PLA2G6: variants seen among roughly 807,000 people sequenced by gnomAD.
PLA2G6 encodes 85/88 kDa calcium-independent phospholipase A2.
In PLA2G6, 62 loss-of-function variants were observed where a neutral mutation model predicts 83.8. That is an observed-to-expected ratio of 0.74 (90% CI 0.60 to 0.91). The LOEUF (loss-of-function observed/expected upper bound fraction) is 0.91. Ranked by LOEUF, PLA2G6 falls within the 40% of genes least tolerant of loss-of-function variation. The pLI, the probability that PLA2G6 is intolerant of heterozygous loss-of-function variation, is 0.00. For missense variants in PLA2G6, 944 were observed against 1,102.0 expected, an observed-to-expected ratio of 0.86 and a Z score of 2.03; for synonymous variants, 417 against 449.8, an observed-to-expected ratio of 0.93 and a Z score of 0.92.
At chr22:38,149,848 T>G (rs926005856) in intron 2 of PLA2G6, 3 of 151,926 alleles carry the variant, frequency 2.0e-5, no homozygotes, top group African/African-American at 7.3e-5. Flanking sequence ...GGCAGGGGAA[T>G]TGCTTGAACC....
intron 1 of PLA2G6, among the ~76,000 whole-genome samples, chr22:38,176,476 C>G (rs971453161): frequency 6.6e-6 from 1 of 152,212 alleles, no homozygotes; most frequent in African/African-American, 2.4e-5. Flanking sequence ...ATTGGAACAA[C>G]TGTTGGATGG....
At chr22:38,180,140 GACACACACACACACACAC>G (rs133028) in intron 1 of PLA2G6, among the ~76,000 whole-genome samples, 7 of 137,818 alleles carry the variant, frequency 5.1e-5, no homozygotes, top group Admixed American at 2.9e-4. Flanking sequence ...GATGTCTGCA[GACACACACACACACACAC>G]ACACACACAC....
chr22:38,167,056 ATCT>A (rs2090244003), intron 2 of PLA2G6, among the ~76,000 whole-genome samples: 1 of 151,834 alleles, frequency 6.6e-6, no homozygotes, highest in African/African-American at 2.4e-5. Context: ...GTGAAACCCC[ATCT>A]CTACTAAAAA....
At chr22:38,180,331 C>T (rs965315297) in intron 1 of PLA2G6, 13 of 152,214 alleles carry the variant, frequency 8.5e-5, no homozygotes, top group Admixed American at 7.9e-4. Context: ...AAACCTTACA[C>T]ATCAGGACAA....
In PLA2G6 at chr22:38,128,392, C is replaced by A. The variant is rs375131619; in HGVS notation, c.1225G>T (p.Val409Leu). The A allele has an allele frequency of 6.2e-7, 1 of 1,614,102 alleles. No individual in the cohort carries two copies. The highest frequency in any genetic ancestry group is 1.1e-5 in the South Asian group (1 of 91,080). The stretch of plus-strand genomic sequence containing the variant: ...GGTGGGAAGCAGTATTCGGCCCCCA[C>A]GGTTCTCAGCAGAGTCAAGATCGCC... ...RKAILTLLRT[V>L]GAEYCFPPIH... is the part of the protein sequence containing the mutation. Residue 409 changes from valine to leucine, a missense_variant, in exon 9 of 17, where the codon GTG (valine) becomes TTG (leucine). Coordinates refer to ENST00000332509, the MANE Select transcript of PLA2G6 (RefSeq NM_003560.4). This position sits in a 1 kb window ranked among gnomAD's most constrained non-coding sequence, Gnocchi z 4.4.
In PLA2G6 at chr22:38,127,091, G is replaced by A. The variant is rs1239561496; in HGVS notation, c.1349-642C>T. 7 of 1,102,586 alleles carry A rather than the reference G, an allele frequency of 6.3e-6. No homozygotes were observed. In the East Asian group the frequency reaches 2.0e-4, roughly 31 times the overall value. 68.3% of individuals were successfully genotyped at this position (1,102,586 alleles called of 1,614,324 possible). A position where few individuals can be genotyped will look rare whatever the true frequency, so the allele number is the denominator to read the frequency against. On this transcript the variant is annotated intron_variant, in intron 9 of 16. Coordinates refer to ENST00000332509, the MANE Select transcript of PLA2G6 (RefSeq NM_003560.4). The stretch of plus-strand genomic sequence containing the variant: ...ACCCAACTGACTAGCTGCCCCTCCT[G>A]ACAAGCAGCCCAGTCCCCAGGTGCC...
intron 12 of PLA2G6, among the ~76,000 whole-genome samples, chr22:38,117,368 C>T (rs1273620278): frequency 3.3e-5 from 5 of 151,978 alleles, no homozygotes; most frequent in African/African-American, 9.7e-5. Flanking sequence ...CCACCACGCC[C>T]GGCTAATTTT....
Position 38,143,200 on chromosome 22 carries a change from C to G in PLA2G6, c.514G>C (p.Val172Leu). The change falls in exon 4 of 17, where the codon GTG (valine) becomes CTG (leucine). Residue 172 changes from valine to leucine, a missense_variant. Transcript: ENST00000332509. Reference protein sequence around the residue: ...KGDGEILVELVQYCHTQMDVT... With the variant: ...KGDGEILVELLQYCHTQMDVT... ...TCCATCTGAGTGTGGCAGTACTGCA[C>G]CAGCTCCACCAGGATCTCCCCATCA... The G allele has an allele frequency of 1.2e-6, 2 of 1,614,160 alleles. No individual in the cohort carries two copies. Among genetic ancestry groups the G allele is most frequent in the Non-Finnish European group, 8.5e-7 (1 of 1,180,012 alleles).
At chr22:38,168,754 G>A (rs947757225) in intron 2 of PLA2G6, among the ~76,000 whole-genome samples, 2 of 152,218 alleles carry the variant, frequency 1.3e-5, no homozygotes, top group African/African-American at 2.4e-5. Flanking sequence ...GGAGGCTGAG[G>A]CAGGAGAATC....
In PLA2G6 at chr22:38,128,504, C is replaced by G; in HGVS notation, c.1187-74G>C. 6.6e-7 allele frequency: 1 copy of G among 1,506,216 alleles called. No individual in the cohort carries two copies. Among genetic ancestry groups the G allele is most frequent in the South Asian group, 1.2e-5 (1 of 86,688 alleles). The allele number at this position is 1,506,216 out of a possible 1,614,324, so 93.3% of individuals were successfully genotyped here. ...TCAACATGCAAAGGAGAGGCCCCTC[C>G]TTTCCACACTCCGTCCCCTGTCCCA... On this transcript the variant is annotated intron_variant, in intron 8 of 16. Transcript: ENST00000332509. This position sits in a 1 kb window ranked among gnomAD's most constrained non-coding sequence, Gnocchi z 4.4.
At chr22:38,135,394 G>A (rs989632518) in intron 5 of PLA2G6, 3 of 399,250 alleles carry the variant, frequency 7.5e-6, no homozygotes, top group Admixed American at 3.7e-5. Flanking sequence ...CAGAAGCTGA[G>A]CAACATGGAG....
intron 2 of PLA2G6, among the ~76,000 whole-genome samples, chr22:38,160,182 T>G (rs1016763182): frequency 1.3e-5 from 2 of 152,062 alleles, no homozygotes; most frequent in East Asian, 3.9e-4. Context: ...AAAACCACAA[T>G]AACATACTAC....
intron 10 of PLA2G6, chr22:38,126,123 G>A: frequency 1.7e-6 from 1 of 585,616 alleles, no homozygotes. Context: ...CACTGCGCCA[G>A]CCCCACCAAG....
chr22:38,143,040 C>T, intron 4 of PLA2G6, 65 bp downstream of exon 4: 2 of 1,492,706 alleles, frequency 1.3e-6, no homozygotes, highest in Non-Finnish European at 1.9e-6. Flanking sequence ...AGCCTAGGGG[C>T]CCAAAGGGAA....
intron 1 of PLA2G6, among the ~76,000 whole-genome samples, chr22:38,175,853 G>C (rs970038440): frequency 6.6e-6 from 1 of 152,150 alleles, no homozygotes; most frequent in Non-Finnish European, 1.5e-5. Flanking sequence ...TGATGTTCCT[G>C]ACTCACAGTG....
chr22:38,132,600 G>T lies in PLA2G6; in HGVS notation c.1077+231C>A. On this transcript the variant is annotated intron_variant, in intron 7 of 16. Transcript: ENST00000332509. The surrounding 1 kb of genome is among the most constrained non-coding windows in gnomAD (Gnocchi z 5.0). ...CATGCAAGTGCCAAATGGGGGCACAGGTGGAAAAGGTACCACAGCACACAG... is the reference window on the plus strand; with the variant it reads ...CATGCAAGTGCCAAATGGGGGCACATGTGGAAAAGGTACCACAGCACACAG... 4 of 586,564 alleles carry T rather than the reference G, an allele frequency of 6.8e-6. No individual in the cohort carries two copies. Among genetic ancestry groups the T allele is most frequent in the South Asian group, 6.1e-5 (3 of 49,166 alleles). The allele number at this position is 586,564 out of a possible 1,614,324, so 36.3% of individuals were successfully genotyped here.
At chr22:38,163,832 G>A (rs997817169) in intron 2 of PLA2G6, among the ~76,000 whole-genome samples, 2 of 152,082 alleles carry the variant, frequency 1.3e-5, no homozygotes, top group South Asian at 2.1e-4. Flanking sequence ...GGATGTGGGA[G>A]GACTGAATGG....
chr22:38,171,194 A>AT (rs1485452373), intron 1 of PLA2G6, among the ~76,000 whole-genome samples: 3 of 149,606 alleles, frequency 2.0e-5, no homozygotes, highest in African/African-American at 7.4e-5. Context: ...AAAAAAGATC[A>AT]TAACAACTGA....
chr22:38,150,067 A>C (rs1373105573), intron 2 of PLA2G6: 4 of 151,504 alleles, frequency 2.6e-5, no homozygotes, highest in South Asian at 4.2e-4. Context: ...AAAAAAAAAA[A>C]ACACATAGAA....
Sources: allele counts gnomAD v4.1 joint callset (sites outside exome capture counted in the v4.1 genomes callset), GRCh38; gene constraint gnomAD v4.1.1; non-coding constraint Gnocchi (gnomAD v3.1); transcripts MANE v1.5; gene names NCBI Gene and HGNC (gene_info 2026-07-23, HGNC 2026-07-21).